TBC1D32: variants seen among roughly 807,000 people sequenced by gnomAD.
TBC1D32 encodes TBC1 domain family member 32.
In TBC1D32, 151 loss-of-function variants were observed where a neutral mutation model predicts 170.3. That is an observed-to-expected ratio of 0.89 (90% CI 0.78 to 1.01). The LOEUF (loss-of-function observed/expected upper bound fraction) is 1.01. TBC1D32 is among the 50% of genes least tolerant of loss of function. TBC1D32 has a pLI of 0.00. For synonymous variants in TBC1D32, 498 were observed against 488.0 expected (o/e 1.02, Z -0.27); for missense variants, 1,464 against 1,457.1 (o/e 1.00, Z -0.08).
chr6:121,268,173 G>A (rs112591166), intron 15 of TBC1D32, among the ~76,000 whole-genome samples: 15 of 142,632 alleles, frequency 1.1e-4, no homozygotes, highest in Admixed American at 5.6e-4. Context: ...GCAGAAAAGC[G>A]AAAATTCTAA....
intron 10 of TBC1D32, among the ~76,000 whole-genome samples, chr6:121,296,543 C>T (rs1186751297): frequency 6.6e-6 from 1 of 152,166 alleles, no homozygotes; most frequent in African/African-American, 2.4e-5. Context: ...AGTCAATTGT[C>T]TGAGGCCTCA....
chr6:121,087,069 G>A (rs934584628), intron 31 of TBC1D32, among the ~76,000 whole-genome samples: 5 of 152,040 alleles, frequency 3.3e-5, no homozygotes, highest in Admixed American at 6.6e-5. Context: ...TTCTAGCTCG[G>A]TACTAATCCA....
In TBC1D32 at chr6:121,321,694, C is replaced by G. The variant is rs1809736060; in HGVS notation, c.256G>C (p.Glu86Gln). ...EKCTSDRNQG[E>Q]ECGYDTVVQQ... is the part of the protein sequence containing the mutation. ...ACAACTGTATCATAGCCGCATTCTT[C>G]ACCCTGATTCCGATCAGATGTGCAT... Residue 86 changes from glutamate (E) to glutamine (Q), a missense_variant, in exon 2 of 32, where the codon GAA becomes CAA. Glu to Gln is a conservative substitution (Grantham distance 29). Around this residue, in one of 3 missense-constraint regions of TBC1D32, gnomAD observed 1,363 missense variants for 1,338.1 expected, o/e 1.02. Coordinates refer to ENST00000398212, the MANE Select transcript of TBC1D32 (RefSeq NM_152730.6). 3 of 1,613,936 alleles carry G rather than the reference C, an allele frequency of 1.9e-6. No individual in the cohort carries two copies. The highest frequency in any genetic ancestry group is 2.5e-6 in the Non-Finnish European group (3 of 1,179,970).
chr6:121,131,763 A>T lies in TBC1D32; in HGVS notation c.2774-11T>A. 6.4e-7 allele frequency: 1 copy of T among 1,567,602 alleles called. No individual in the cohort carries two copies. Among genetic ancestry groups the T allele is most frequent in the South Asian group, 1.1e-5 (1 of 89,332 alleles). ...TGTCAAGATCATTGTCTAATCAGAA[A>T]GATAACATACTATTATAATAAGACA... On this transcript the variant is annotated splice_polypyrimidine_tract_variant and intron_variant, in intron 24 of 31. Transcript: ENST00000398212.
At chr6:121,087,866 T>C (rs1407770251) in intron 31 of TBC1D32, among the ~76,000 whole-genome samples, 1 of 152,148 alleles carries the variant, frequency 6.6e-6, no homozygotes, top group Non-Finnish European at 1.5e-5. Flanking sequence ...CAATCATTAT[T>C]AAATATGTAG....
intron 21 of TBC1D32, among the ~76,000 whole-genome samples, chr6:121,219,575 G>T (rs926804441): frequency 2.0e-5 from 3 of 152,086 alleles, no homozygotes; most frequent in African/African-American, 7.2e-5. Flanking sequence ...TATTTTCACT[G>T]GATCCGTATA....
At chr6:121,116,603 G>A (rs888680211) in intron 26 of TBC1D32, among the ~76,000 whole-genome samples, 3 of 152,126 alleles carry the variant, frequency 2.0e-5, no homozygotes, top group Admixed American at 6.5e-5. Flanking sequence ...TGTGCAGTGG[G>A]TGGAGAAAGG....
chr6:121,116,847 G>C (rs1461671867), intron 26 of TBC1D32, among the ~76,000 whole-genome samples: 2 of 152,250 alleles, frequency 1.3e-5, no homozygotes, highest in South Asian at 2.1e-4. Flanking sequence ...TCCTAGAGTT[G>C]TACAAATAAT....
intron 26 of TBC1D32, among the ~76,000 whole-genome samples, chr6:121,123,668 G>T (rs1780520849): frequency 6.6e-6 from 1 of 151,922 alleles, no homozygotes; most frequent in South Asian, 2.1e-4. Flanking sequence ...ATATAGTTAG[G>T]TCCTGTTTTG....
In TBC1D32 at chr6:121,223,317, A is replaced by G; in HGVS notation, c.2400T>C (p.Pro800=). The change falls in exon 21 of 32, where the codon CCT becomes CCC. Residue 800 remains proline (P), a synonymous_variant. Transcript: ENST00000398212. The stretch of plus-strand genomic sequence containing the variant: ...GATTCCTTACAAGCTCATAAATAGC[A>G]GGATAGGATAACAAGTTCACCAGTG... ...FLALVNLLSY[P]AIYELVRNQD... 1 of 1,596,886 alleles carries G rather than the reference A, an allele frequency of 6.3e-7. No individual in the cohort carries two copies. Among genetic ancestry groups the G allele is most frequent in the Non-Finnish European group, 8.5e-7 (1 of 1,174,738 alleles).
chr6:121,196,130 A>T (rs1338690341), intron 22 of TBC1D32, among the ~76,000 whole-genome samples: 2 of 152,184 alleles, frequency 1.3e-5, no homozygotes, highest in African/African-American at 2.4e-5. Flanking sequence ...GGATTTTAAT[A>T]ATCAAGTGGA....
intron 22 of TBC1D32, among the ~76,000 whole-genome samples, chr6:121,169,637 C>T (rs547979895): frequency 6.6e-6 from 1 of 152,204 alleles, no homozygotes; most frequent in African/African-American, 2.4e-5. Flanking sequence ...AAAGCTGGTG[C>T]CTTAAATTCA....
At chr6:121,263,680 A>G (rs1800073804) in intron 15 of TBC1D32, among the ~76,000 whole-genome samples, 1 of 152,176 alleles carries the variant, frequency 6.6e-6, no homozygotes, top group African/African-American at 2.4e-5. Context: ...CTTTAAAATC[A>G]ACCACATAAT....
chr6:121,127,660 T>A (rs976513960), intron 25 of TBC1D32, among the ~76,000 whole-genome samples: 1 of 152,118 alleles, frequency 6.6e-6, no homozygotes. Context: ...CAAACTTCTT[T>A]CTTTATAAAT....
intron 24 of TBC1D32, among the ~76,000 whole-genome samples, chr6:121,146,873 T>C (rs1783515633): frequency 6.6e-6 from 1 of 152,174 alleles, no homozygotes; most frequent in Non-Finnish European, 1.5e-5. Context: ...TATATGGGTA[T>C]ATTGAGCGAC....
chr6:121,132,076 T>C (rs549926572), intron 24 of TBC1D32, among the ~76,000 whole-genome samples: 1 of 152,080 alleles, frequency 6.6e-6, no homozygotes, highest in South Asian at 2.1e-4. Context: ...AACCTTAAAA[T>C]TTCACTATGT....
chr6:121,317,277 CA>C (rs560646446), intron 3 of TBC1D32, among the ~76,000 whole-genome samples: 74 of 152,118 alleles, frequency 4.9e-4, no homozygotes, highest in African/African-American at 1.8e-3. Flanking sequence ...TTTCTCATAT[CA>C]CCAAGAATTA....
chr6:121,256,053 G>T, intron 16 of TBC1D32, 31 bp downstream of exon 16: 2 of 1,567,076 alleles, frequency 1.3e-6, no homozygotes, highest in African/African-American at 1.4e-5. Context: ...AAGATTTGCA[G>T]GGAGAAAAAA....
At chr6:121,104,114 TAA>T (rs1159366566) in intron 30 of TBC1D32, among the ~76,000 whole-genome samples, 1 of 151,810 alleles carries the variant, frequency 6.6e-6, no homozygotes, top group Non-Finnish European at 1.5e-5. Flanking sequence ...ATAAATGATA[TAA>T]AGTTTCTTCA....
Sources: allele counts gnomAD v4.1 joint callset (sites outside exome capture counted in the v4.1 genomes callset), GRCh38; gene constraint gnomAD v4.1.1; regional missense constraint gnomAD v4.1.1; transcripts MANE v1.5; gene names NCBI Gene and HGNC (gene_info 2026-07-23, HGNC 2026-07-21).